CSNK1G3: variants seen among roughly 807,000 people sequenced by gnomAD.
The protein encoded by CSNK1G3 is casein kinase I isoform gamma-3.
CSNK1G3 carries 23 observed loss-of-function variants against 64.3 expected under a neutral mutation model. The observed-to-expected ratio is 0.36, with a 90% confidence interval of 0.26 to 0.51. The LOEUF is 0.51. Ranked by LOEUF, CSNK1G3 falls within the 20% of genes least tolerant of loss-of-function variation. The probability of loss-of-function intolerance (pLI) is 0.96; values close to 1 mark genes in which losing one functional copy is unlikely to be tolerated. For missense variants in CSNK1G3, 357 were observed against 510.5 expected, an observed-to-expected ratio of 0.70 and a Z score of 2.90; for synonymous variants, 158 against 162.2, an observed-to-expected ratio of 0.97 and a Z score of 0.20.
chr5:123,572,341 A>G (rs956108614), intron 4 of CSNK1G3, among the ~76,000 whole-genome samples: 1 of 152,214 alleles, frequency 6.6e-6, no homozygotes, highest in Non-Finnish European at 1.5e-5. Flanking sequence ...AGTTCTGAAA[A>G]TAAAATACAG....
At chr5:123,598,912 T>C (rs907996730) in intron 10 of CSNK1G3, among the ~76,000 whole-genome samples, 1 of 151,998 alleles carries the variant, frequency 6.6e-6, no homozygotes, top group Admixed American at 6.6e-5. Flanking sequence ...AAACAAGAAA[T>C]GAAAGGCTTT....
At chr5:123,598,798 A>T (rs1381167082) in intron 10 of CSNK1G3, among the ~76,000 whole-genome samples, 2 of 152,150 alleles carry the variant, frequency 1.3e-5, no homozygotes, top group Admixed American at 1.3e-4. Flanking sequence ...AGTGTTTTCT[A>T]AAGATTGCGT....
At chr5:123,553,810 C>A (rs1233735000) in intron 3 of CSNK1G3, among the ~76,000 whole-genome samples, 1 of 152,190 alleles carries the variant, frequency 6.6e-6, no homozygotes, top group Non-Finnish European at 1.5e-5. Context: ...GGTTTGCAGC[C>A]AGGTTTCCCT....
intron 10 of CSNK1G3, among the ~76,000 whole-genome samples, chr5:123,599,249 A>G (rs1175701163): frequency 1.3e-5 from 2 of 152,208 alleles, no homozygotes; most frequent in African/African-American, 4.8e-5. Context: ...TGTACTATGT[A>G]TACCTCCTGA....
At chr5:123,613,671 C>T (rs1456819391) in intron 12 of CSNK1G3, among the ~76,000 whole-genome samples, 1 of 151,876 alleles carries the variant, frequency 6.6e-6, no homozygotes, top group Non-Finnish European at 1.5e-5. Flanking sequence ...TGTGCCCAGC[C>T]AAGATTTTTT....
At chr5:123,607,203 C>A (rs544312353) in intron 12 of CSNK1G3, among the ~76,000 whole-genome samples, 3 of 152,284 alleles carry the variant, frequency 2.0e-5, no homozygotes, top group African/African-American at 7.2e-5. Context: ...TCATACCTGT[C>A]ATAGTCTGGC....
At chr5:123,540,406 T>C (rs982078798) in intron 1 of CSNK1G3, among the ~76,000 whole-genome samples, 2 of 152,264 alleles carry the variant, frequency 1.3e-5, no homozygotes, top group Middle Eastern at 3.4e-3. Flanking sequence ...GATTTGCTCT[T>C]TTCTCTAGCT....
At chr5:123,588,674 T>G (rs188070001) in intron 8 of CSNK1G3, among the ~76,000 whole-genome samples, 163 bp downstream of exon 8, 1 of 152,188 alleles carries the variant, frequency 6.6e-6, no homozygotes, top group African/African-American at 2.4e-5. Flanking sequence ...AGGGACACTT[T>G]GTGTATTTGC....
intron 4 of CSNK1G3, among the ~76,000 whole-genome samples, chr5:123,567,377 G>A (rs191279468): frequency 3.7e-4 from 57 of 152,252 alleles, no homozygotes; most frequent in African/African-American, 1.3e-3. Flanking sequence ...GAGGTGGGTG[G>A]ATCACTTGAG....
chr5:123,518,862 C>T (rs780226159), intron 1 of CSNK1G3, among the ~76,000 whole-genome samples: 7 of 152,130 alleles, frequency 4.6e-5, no homozygotes, highest in Non-Finnish European at 8.8e-5. Flanking sequence ...TGTTTTGAAG[C>T]GATTCTCGTG....
At chr5:123,526,617 T>C (rs574083468) in intron 1 of CSNK1G3, among the ~76,000 whole-genome samples, 20 of 152,336 alleles carry the variant, frequency 1.3e-4, no homozygotes, top group Non-Finnish European at 1.5e-5. Context: ...TGTTTTCTCT[T>C]TCTATAATTT....
At chr5:123,538,792 A>G (rs1222124006) in intron 1 of CSNK1G3, among the ~76,000 whole-genome samples, 1 of 152,178 alleles carries the variant, frequency 6.6e-6, no homozygotes, top group East Asian at 1.9e-4. Context: ...ACACTCATAT[A>G]AAATAATTTA....
chr5:123,524,275 G>A (rs1164901493), intron 1 of CSNK1G3, among the ~76,000 whole-genome samples: 13 of 152,160 alleles, frequency 8.5e-5, no homozygotes, highest in Admixed American at 6.5e-4. Flanking sequence ...TTCCAGAAGC[G>A]TTGTGTAATT....
chr5:123,598,192 G>A (rs886550982), intron 10 of CSNK1G3, among the ~76,000 whole-genome samples: 1 of 152,156 alleles, frequency 6.6e-6, no homozygotes, highest in Non-Finnish European at 1.5e-5. Flanking sequence ...GGGGAATCAA[G>A]TGTGCCCCTC....
At chr5:123,606,861 G>A (rs1795450113) in intron 12 of CSNK1G3, among the ~76,000 whole-genome samples, 1 of 152,262 alleles carries the variant, frequency 6.6e-6, no homozygotes, top group Non-Finnish European at 1.5e-5. Context: ...TTGTTCTTAA[G>A]TAGATTACAA....
At chr5:123,520,133 A>G (rs1445631890) in intron 1 of CSNK1G3, among the ~76,000 whole-genome samples, 1 of 152,206 alleles carries the variant, frequency 6.6e-6, no homozygotes, top group East Asian at 1.9e-4. Flanking sequence ...TCTTAAACCT[A>G]GCCTGCTTAA....
At chr5:123,588,587 A>G (rs1044069972) in intron 8 of CSNK1G3, 76 bp downstream of exon 8, 5 of 952,016 alleles carry the variant, frequency 5.3e-6, no homozygotes, top group South Asian at 4.5e-5. Context: ...AAGTTTATAC[A>G]TATTTTTTTC....
At chr5:123,610,130 AG>A (rs571094400) in intron 12 of CSNK1G3, among the ~76,000 whole-genome samples, 32 of 152,148 alleles carry the variant, frequency 2.1e-4, no homozygotes, top group Non-Finnish European at 4.7e-4. Flanking sequence ...ATGGGCCTGC[AG>A]GCTTTTGGTT....
intron 3 of CSNK1G3, among the ~76,000 whole-genome samples, chr5:123,553,449 A>C (rs563586126): frequency 6.6e-6 from 1 of 152,344 alleles, no homozygotes; most frequent in East Asian, 1.9e-4. Context: ...AATTAGATAA[A>C]AATTAACAAG....
Sources: allele counts gnomAD v4.1 joint callset (sites outside exome capture counted in the v4.1 genomes callset), GRCh38; gene constraint gnomAD v4.1.1; transcripts MANE v1.5; gene names NCBI Gene and HGNC (gene_info 2026-07-23, HGNC 2026-07-21).